Variants in NFAT5 observed in about 807,000 individuals in gnomAD.
The protein encoded by NFAT5 is nuclear factor of activated T cells 5, also known as nuclear factor of activated T-cells 5.
A neutral mutation model predicts 166.5 loss-of-function variants in NFAT5; 31 were observed. The observed-to-expected ratio is 0.19, with a 90% CI of 0.14 to 0.25. The LOEUF is 0.25. Among genes scored for constraint, NFAT5 ranks in the 10% least tolerant of loss-of-function variants. The pLI, the probability that NFAT5 is intolerant of heterozygous loss-of-function variation, is 1.00. For synonymous variants in NFAT5, 612 were observed against 639.7 expected (o/e 0.96, Z 0.65); for missense variants, 1,449 against 1,821.8 (o/e 0.80, Z 3.72).
At chr16:69,616,939 T>C (rs1365659869) in intron 2 of NFAT5, among the ~76,000 whole-genome samples, 2 of 146,870 alleles carry the variant, frequency 1.4e-5, no homozygotes, top group South Asian at 2.1e-4. Context: ...AGTCCAAAGT[T>C]CTTTTTTTTT....
In NFAT5 at chr16:69,692,513, T is replaced by A. The variant is rs368922982; in HGVS notation, c.2688T>A (p.Asn896Lys). Reference protein sequence around the residue: ...VHPQSENTLSNQQQQQQQQQQ... With the variant: ...VHPQSENTLSKQQQQQQQQQQ... ...CACAGTCTGAAAACACGTTATCTAA[T>A]CAACAGCAGCAGCAGCAGCAGCAAC... Residue 896 changes from asparagine (N) to lysine (K), a missense_variant, in exon 13 of 15, where the codon AAT becomes AAA. By Grantham distance (94) the Asn-to-Lys change is moderately conservative. Transcript: ENST00000349945. The A allele has an allele frequency of 1.9e-6, 3 of 1,613,954 alleles. No individual in the cohort carries two copies. Among genetic ancestry groups the A allele is most frequent in the Non-Finnish European group, 2.5e-6 (3 of 1,180,004 alleles).
At chr16:69,687,866 A>G (rs932331635) in intron 11 of NFAT5, among the ~76,000 whole-genome samples, 11 of 152,158 alleles carry the variant, frequency 7.2e-5, no homozygotes, top group African/African-American at 2.2e-4. Context: ...TATAATCCCA[A>G]CTACTCAGGA....
chr16:69,587,636 A>C (rs891203700), intron 2 of NFAT5, among the ~76,000 whole-genome samples: 1 of 151,856 alleles, frequency 6.6e-6, no homozygotes, highest in African/African-American at 2.4e-5. Flanking sequence ...TGATCTGCCC[A>C]CCTCCGGCTC....
rs779810562 is a variant in NFAT5, at chr16:69,684,889, G to A, written c.1693G>A (p.Ala565Thr). The A allele has an allele frequency of 1.3e-6, 2 of 1,595,156 alleles. No homozygotes were observed. The highest frequency in any genetic ancestry group is 1.3e-5 in the African/African-American group (1 of 74,114). Residue 565 changes from alanine (A) to threonine (T), a missense_variant and splice_region_variant, in exon 11 of 15, where the codon GCA becomes ACA. Transcript: ENST00000349945. Reference protein sequence around the residue: ...QPFTYTPDPAAAGALNVNVKK... With the variant: ...QPFTYTPDPATAGALNVNVKK... ...TACATTAATCTTTTTTTTAATAGCAGCAGCTGGTGCTTTGAATGTAAATGT... is the reference window on the plus strand; with the variant it reads ...TACATTAATCTTTTTTTTAATAGCAACAGCTGGTGCTTTGAATGTAAATGT...
intron 12 of NFAT5, among the ~76,000 whole-genome samples, chr16:69,691,534 C>G (rs1228626780): frequency 6.6e-6 from 1 of 152,120 alleles, no homozygotes; most frequent in Non-Finnish European, 1.5e-5. Flanking sequence ...GTTTGACTAT[C>G]TTTGCTTGTC....
intron 13 of NFAT5, among the ~76,000 whole-genome samples, chr16:69,694,644 G>A (rs1054245765): frequency 2.0e-5 from 3 of 152,136 alleles, no homozygotes; most frequent in African/African-American, 2.4e-5. Context: ...GCTTTTATGG[G>A]TCTCAATTCT....
Position 69,599,995 on chromosome 16 carries a change from A to C in NFAT5, c.128-26408A>C, listed in dbSNP as rs1487666960. Among the ~76,000 whole-genome samples the C allele has an allele frequency of 2.6e-5, 4 of 151,954 alleles. No individual in the cohort carries two copies. In the East Asian group the frequency reaches 7.7e-4, roughly 29 times the overall value. ...TATTCTGGCTACAGTGTAGATAATA[A>C]AGTGTAAGAGTAAAAGAGAAAATCA... On this transcript the variant is annotated intron_variant, in intron 2 of 14. Coordinates refer to ENST00000349945, the MANE Select transcript of NFAT5 (RefSeq NM_138713.4).
intron 2 of NFAT5, among the ~76,000 whole-genome samples, chr16:69,577,741 A>C (rs2016839479): frequency 6.6e-6 from 1 of 152,198 alleles, no homozygotes; most frequent in Non-Finnish European, 1.5e-5. Context: ...TTTTTAAAAA[A>C]ACTCATAGAA....
intron 9 of NFAT5, among the ~76,000 whole-genome samples, chr16:69,672,404 A>G (rs2036659838): frequency 1.3e-5 from 2 of 152,200 alleles, no homozygotes; most frequent in Non-Finnish European, 2.9e-5. Context: ...AAGCGCTTTC[A>G]TTAGATTATT....
rs565032656 is a variant in NFAT5 at position 69,669,466 on chromosome 16, G to A, written c.1370-511G>A. 5.9e-5 allele frequency among the ~76,000 whole-genome samples: 9 copies of A among 152,170 alleles called. No individual in the cohort carries two copies. In the South Asian group the frequency reaches 1.5e-3, roughly 25 times the overall value. On this transcript the variant is annotated intron_variant, in intron 7 of 14. Coordinates refer to ENST00000349945, the MANE Select transcript of NFAT5 (RefSeq NM_138713.4). ...AGGCTGAGGCAGGAGAATCACTTGA[G>A]CCCAGGAGGCAGAGGTTGCGGTGAG...
chr16:69,672,640 G>T (rs934594850), intron 9 of NFAT5, among the ~76,000 whole-genome samples: 4 of 152,066 alleles, frequency 2.6e-5, no homozygotes, highest in Non-Finnish European at 5.9e-5. Flanking sequence ...GTGACTGTGT[G>T]GTCTAAGTAA....
At chr16:69,624,960 C>T (rs556497018) in intron 2 of NFAT5, among the ~76,000 whole-genome samples, 276 of 151,510 alleles carry the variant, frequency 1.8e-3, no homozygotes, top group Non-Finnish European at 3.2e-3. Flanking sequence ...AGTGCAATGG[C>T]GCGATCTTGG....
intron 3 of NFAT5, among the ~76,000 whole-genome samples, chr16:69,632,989 C>T (rs2034786323): frequency 6.6e-6 from 1 of 152,156 alleles, no homozygotes; most frequent in Admixed American, 6.5e-5. Flanking sequence ...AATACATACA[C>T]TTATACATAT....
At chr16:69,621,194 G>A (rs2034179900) in intron 2 of NFAT5, among the ~76,000 whole-genome samples, 2 of 151,660 alleles carry the variant, frequency 1.3e-5, no homozygotes, top group African/African-American at 2.4e-5. Flanking sequence ...AGCACTGTTA[G>A]ATACCCTGCT....
At chr16:69,581,949 A>T (rs1361712026) in intron 2 of NFAT5, among the ~76,000 whole-genome samples, 1 of 152,110 alleles carries the variant, frequency 6.6e-6, no homozygotes, top group Admixed American at 6.6e-5. Context: ...CATTGTTATT[A>T]ATTTTTCTCA....
At chr16:69,679,857 G>A (rs998030881) in intron 10 of NFAT5, among the ~76,000 whole-genome samples, 4 of 152,206 alleles carry the variant, frequency 2.6e-5, no homozygotes, top group East Asian at 3.9e-4. Context: ...GCTCACGCCT[G>A]TAATCCCCGC....
chr16:69,586,167 T>G (rs1266143213), intron 2 of NFAT5, among the ~76,000 whole-genome samples: 2 of 152,306 alleles, frequency 1.3e-5, no homozygotes, highest in African/African-American at 4.8e-5. Flanking sequence ...AATATAGTGT[T>G]TTAGTTGTCT....
intron 2 of NFAT5, among the ~76,000 whole-genome samples, chr16:69,582,414 T>G (rs973360227): frequency 6.6e-6 from 1 of 152,118 alleles, no homozygotes; most frequent in Non-Finnish European, 1.5e-5. Flanking sequence ...TTTGGTGTCA[T>G]ATTTTAAAAA....
rs1009616933 is a variant in NFAT5, at chr16:69,697,119, T to C, written c.*768T>C. On this transcript the variant is annotated 3_prime_UTR_variant, in exon 15 of 15. Coordinates refer to ENST00000349945, the MANE Select transcript of NFAT5 (RefSeq NM_138713.4). ...ATATATGATAAATTATGTTCTGATA[T>C]CCTCCTACAGTAGTTTAAATTGACA... 2 of 152,680 alleles carry C rather than the reference T, an allele frequency of 1.3e-5. No homozygotes were observed. Among genetic ancestry groups the C allele is most frequent in the African/African-American group, 4.8e-5 (2 of 41,472 alleles). 9.5% of individuals were successfully genotyped at this position (152,680 alleles called of 1,614,324 possible).
Sources: gnomAD v4.1 joint callset for allele counts (sites outside exome capture counted in the v4.1 genomes callset) on GRCh38, gnomAD v4.1.1 for gene constraint, MANE v1.5 for transcripts, NCBI Gene and HGNC (gene_info 2026-07-23, HGNC 2026-07-21) for gene names.